Variants in TAF1L observed in about 807,000 individuals in gnomAD.
TAF1L encodes the protein TATA-box binding protein associated factor 1 like.
A neutral mutation model predicts 128.8 loss-of-function variants in TAF1L; 30 were observed. The observed-to-expected ratio is 0.23, with a 90% CI of 0.17 to 0.32. The LOEUF is 0.32. Ranked by LOEUF, TAF1L falls within the 10% of genes least tolerant of loss-of-function variation. The pLI, the probability that TAF1L is intolerant of heterozygous loss-of-function variation, is 1.00. For missense variants in TAF1L, 2,099 were observed against 2,253.7 expected (o/e 0.93, Z 1.39); for synonymous variants, 764 against 790.7 (o/e 0.97, Z 0.57).
In TAF1L at chr9:32,634,649, A is replaced by C. The variant is rs772520651; in HGVS notation, c.931T>G (p.Trp311Gly). Residue 311 changes from tryptophan to glycine, a missense_variant, in exon 1 of 1, where the codon TGG (tryptophan) becomes GGG (glycine). By Grantham distance (184) the Trp-to-Gly change is radical (BLOSUM62 -2). Coordinates refer to ENST00000242310, the MANE Select transcript of TAF1L (RefSeq NM_153809.2). ...VESEVSQKSLWNYDYAPPPPP... is the reference protein window; with the variant it reads ...VESEVSQKSLGNYDYAPPPPP... ...GGTGGTGGAGCATAGTCATAGTTCC[A>C]CAAAGACTTCTGGCTGACTTCTGAT... 1.2e-6 allele frequency: 2 copies of C among 1,614,032 alleles called. No homozygotes were observed. The highest frequency in any genetic ancestry group is 1.7e-6 in the Non-Finnish European group (2 of 1,180,034).
rs1275908150 is a variant in TAF1L, at chr9:32,633,523, G to T, written c.2057C>A (p.Thr686Lys). The T allele has an allele frequency of 1.2e-6, 2 of 1,614,216 alleles. No individual in the cohort carries two copies. Among genetic ancestry groups the T allele is most frequent in the Non-Finnish European group, 1.7e-6 (2 of 1,180,058 alleles). The change falls in exon 1 of 1, where the codon ACA becomes AAA. Residue 686 changes from threonine to lysine, a missense_variant. Coordinates refer to ENST00000242310, the MANE Select transcript of TAF1L (RefSeq NM_153809.2). The stretch of plus-strand genomic sequence containing the variant: ...ATCTTTGCCTGTGAGATCCTGAGGT[G>T]TGCGCATAAAAAACAACTCTCCACC... ...SGGGELFFMR[T>K]PQDLTGKDGD...
chr9:32,629,838 T>C lies in TAF1L; in HGVS notation c.*261A>G. ...CACACCTGGCTAATTTTTGTATTTT[T>C]AGTAGAGATGAAGTTTCGACATGTT... is the stretch of plus-strand genomic sequence containing the variant. On this transcript the variant is annotated 3_prime_UTR_variant, in exon 1 of 1. Coordinates refer to ENST00000242310, the MANE Select transcript of TAF1L (RefSeq NM_153809.2). 1.6e-6 allele frequency: 1 copy of C among 626,092 alleles called. No homozygotes were observed. The allele number at this position is 626,092 out of a possible 1,614,324, so 38.8% of individuals were successfully genotyped here.
In TAF1L at chr9:32,631,219, C is replaced by T. The variant is rs533001681; in HGVS notation, c.4361G>A (p.Arg1454His). The change falls in exon 1 of 1, where the codon CGT becomes CAT. Residue 1454 changes from arginine to histidine, a missense_variant. Arg to His is a conservative substitution (Grantham distance 29). Around this residue, in one of 4 missense-constraint regions of TAF1L, gnomAD observed 1,213 missense variants for 1,391.4 expected, o/e 0.87. Coordinates refer to ENST00000242310, the MANE Select transcript of TAF1L (RefSeq NM_153809.2). This position sits in a 1 kb window ranked among gnomAD's most constrained non-coding sequence, Gnocchi z 4.1. ...MDLQTLRENV[R>H]KCLYPSREEF... Reference sequence around the variant, plus strand: ...TTCCCGAGATGGGTAGAGGCATTTACGCACATTTTCACGGAGTGTTTGTAG... The same window carrying T: ...TTCCCGAGATGGGTAGAGGCATTTATGCACATTTTCACGGAGTGTTTGTAG... The T allele has an allele frequency of 1.7e-5, 27 of 1,614,124 alleles. No individual in the cohort carries two copies. Among genetic ancestry groups the T allele is most frequent in the Middle Eastern group, 1.6e-4 (1 of 6,062 alleles).
Position 32,635,011 on chromosome 9 carries a change from A to G in TAF1L, c.569T>C (p.Ile190Thr). 6.2e-7 allele frequency: 1 copy of G among 1,614,144 alleles called. No individual in the cohort carries two copies. Among genetic ancestry groups the G allele is most frequent in the Non-Finnish European group, 8.5e-7 (1 of 1,180,022 alleles). Reference sequence around the variant, plus strand: ...CTCTGAGGCCAAAAAGGAAGGGGCAATGATGGAGGGCAAGATGATGTCTTC... The same window carrying G: ...CTCTGAGGCCAAAAAGGAAGGGGCAGTGATGGAGGGCAAGATGATGTCTTC... ...SGEDIILPSI[I>T]APSFLASEKV... The change falls in exon 1 of 1, where the codon ATT becomes ACT. Residue 190 changes from isoleucine to threonine, a missense_variant. Physicochemically the swap from Ile to Thr is moderately conservative, Grantham distance 89. Coordinates refer to ENST00000242310, the MANE Select transcript of TAF1L (RefSeq NM_153809.2).
At position 32,635,568 on chromosome 9, in the gene TAF1L, G is replaced by C; in HGVS notation, c.12C>G (p.Gly4=). 1 of 1,613,252 alleles carries C rather than the reference G, an allele frequency of 6.2e-7. No individual in the cohort carries two copies. The stretch of plus-strand genomic sequence containing the variant: ...CTGCTGCCCTCAGCAGCAAATCGCA[G>C]CCGGGTCGCATAAACCGGAAATAAA... MRP[G]CDLLLRAAAT... The change falls in exon 1 of 1, where the codon GGC becomes GGG. Residue 4 remains glycine (G), a synonymous_variant. Transcript: ENST00000242310.
rs1822525434 is a variant in TAF1L at position 32,632,088 on chromosome 9, G to C, written c.3492C>G (p.His1164Gln). ...VAGSAASGNN[H>Q]RDDVTASMTS... ...TCATGGAAGCTGTGACATCATCTCT[G>C]TGATTGTTTCCTGATGCTGCTGAGC... The change falls in exon 1 of 1, where the codon CAC becomes CAG. Residue 1164 changes from histidine (H) to glutamine (Q), a missense_variant. His to Gln is a conservative substitution (Grantham distance 24, BLOSUM62 0). Transcript: ENST00000242310. The surrounding 1 kb of genome is among the most constrained non-coding windows in gnomAD (Gnocchi z 4.4). 6.2e-7 allele frequency: 1 copy of C among 1,614,036 alleles called. No homozygotes were observed. Among genetic ancestry groups the C allele is most frequent in the African/African-American group, 1.3e-5 (1 of 74,902 alleles).
At position 32,630,616 on chromosome 9, in the gene TAF1L, G is replaced by T. The variant is rs975426723; in HGVS notation, c.4964C>A (p.Pro1655Gln). 1.2e-6 allele frequency: 2 copies of T among 1,614,094 alleles called. No individual in the cohort carries two copies. Among genetic ancestry groups the T allele is most frequent in the Non-Finnish European group, 1.7e-6 (2 of 1,180,022 alleles). Residue 1655 changes from proline to glutamine, a missense_variant, in exon 1 of 1, where the codon CCA (proline) becomes CAA (glutamine). Coordinates refer to ENST00000242310, the MANE Select transcript of TAF1L (RefSeq NM_153809.2). ...LEEAELESLD[P>Q]MTPGPYTSQP... ...AGATGTGTAGGGCCCTGGGGTCATT[G>T]GGTCCAGGCTTTCTAATTCTGCTTC...
rs149093566 is a variant in TAF1L at position 32,635,146 on chromosome 9, G to T, written c.434C>A (p.Ala145Asp). ...CTTGCAATCAATGTCTTCACAATCAGCATCATAGTCATCTTCATCATAATC... is the reference window on the plus strand; with the variant it reads ...CTTGCAATCAATGTCTTCACAATCATCATCATAGTCATCTTCATCATAATC... ...HSDYDEDDYD[A>D]DCEDIDCKLM... Residue 145 changes from alanine to aspartate, a missense_variant, in exon 1 of 1, where the codon GCT becomes GAT. Ala to Asp is a moderately radical substitution (Grantham distance 126, BLOSUM62 -2). Coordinates refer to ENST00000242310, the MANE Select transcript of TAF1L (RefSeq NM_153809.2). 3.5e-5 allele frequency: 56 copies of T among 1,614,040 alleles called. No individual in the cohort carries two copies. The African/African-American group carries it at 7.2e-4, about 21-fold the overall frequency.
chr9:32,633,575 T>C lies in TAF1L; in HGVS notation c.2005A>G (p.Arg669Gly). 6.2e-7 allele frequency: 1 copy of C among 1,614,216 alleles called. No individual in the cohort carries two copies. The highest frequency in any genetic ancestry group is 8.5e-7 in the Non-Finnish European group (1 of 1,180,038). ...CCTGAGGCTTGCCTCTCTTGTTCTC[T>C]CATCTTGGCCTTTTTTTTGATGTGC... is the stretch of plus-strand genomic sequence containing the variant. ...LKHIKKKAKM[R>G]EQERQASGGG... Residue 669 changes from arginine to glycine, a missense_variant, in exon 1 of 1, where the codon AGA (arginine) becomes GGA (glycine). Arg to Gly is a moderately radical substitution (Grantham distance 125). Coordinates refer to ENST00000242310, the MANE Select transcript of TAF1L (RefSeq NM_153809.2).
In TAF1L at chr9:32,633,488, T is replaced by G. The variant is rs1822543425; in HGVS notation, c.2092A>C (p.Ile698Leu). The change falls in exon 1 of 1, where the codon ATT (isoleucine) becomes CTT (leucine). Residue 698 changes from isoleucine to leucine, a missense_variant. By Grantham distance (5) the Ile-to-Leu change is conservative (BLOSUM62 2). Coordinates refer to ENST00000242310, the MANE Select transcript of TAF1L (RefSeq NM_153809.2). ...TTTTCCTCACTATATTCTGCAAGAATAAGATCTCCATCTTTGCCTGTGAGA... is the reference window on the plus strand; with the variant it reads ...TTTTCCTCACTATATTCTGCAAGAAGAAGATCTCCATCTTTGCCTGTGAGA... ...QDLTGKDGDL[I>L]LAEYSEENGP... The G allele has an allele frequency of 6.2e-7, 1 of 1,614,136 alleles. No homozygotes were observed. Among genetic ancestry groups the G allele is most frequent in the South Asian group, 1.1e-5 (1 of 91,092 alleles).
At position 32,630,622 on chromosome 9, in the gene TAF1L, A is replaced by G. The variant is rs1587670226; in HGVS notation, c.4958T>C (p.Leu1653Pro). Residue 1653 changes from leucine (L) to proline (P), a missense_variant, in exon 1 of 1, where the codon CTG becomes CCG. Leu to Pro is a moderately conservative substitution (Grantham distance 98, BLOSUM62 -3). This residue lies in a region of TAF1L where 404 missense variants were observed against 406.5 expected (regional missense o/e 0.99). Coordinates refer to ENST00000242310, the MANE Select transcript of TAF1L (RefSeq NM_153809.2). ...GTAGGGCCCTGGGGTCATTGGGTCCAGGCTTTCTAATTCTGCTTCCTCCAA... is the reference window on the plus strand; with the variant it reads ...GTAGGGCCCTGGGGTCATTGGGTCCGGGCTTTCTAATTCTGCTTCCTCCAA... ...AALEEAELES[L>P]DPMTPGPYTS... 3 of 1,614,128 alleles carry G rather than the reference A, an allele frequency of 1.9e-6. No homozygotes were observed. The highest frequency in any genetic ancestry group is 2.2e-5 in the East Asian group (1 of 44,878).
rs767224073 is a variant in TAF1L, at chr9:32,632,441, C to T, written c.3139G>A (p.Val1047Met). The change falls in exon 1 of 1, where the codon GTG (valine) becomes ATG (methionine). Residue 1047 changes from valine (V) to methionine (M), a missense_variant. By Grantham distance (21) the Val-to-Met change is conservative. Around this residue, in one of 4 missense-constraint regions of TAF1L, gnomAD observed 1,213 missense variants for 1,391.4 expected, o/e 0.87. Transcript: ENST00000242310. The surrounding 1 kb of genome is among the most constrained non-coding windows in gnomAD (Gnocchi z 4.4). Reference sequence around the variant, plus strand: ...TGTTCTGTTGACATTGTGCGCACCACATCAATCACTTCCCAGCGGGACAAC... The same window carrying T: ...TGTTCTGTTGACATTGTGCGCACCATATCAATCACTTCCCAGCGGGACAAC... ...KKLSRWEVIDVVRTMSTEQAH... is the reference protein window; with the variant it reads ...KKLSRWEVIDMVRTMSTEQAH... 10 of 1,614,130 alleles carry T rather than the reference C, an allele frequency of 6.2e-6. No individual in the cohort carries two copies. The highest frequency in any genetic ancestry group is 1.1e-5 in the South Asian group (1 of 91,088).
rs1397455013 is a variant in TAF1L at position 32,632,146 on chromosome 9, C to G, written c.3434G>C (p.Arg1145Pro). ...CAGTAGCATTCGCCGTAGTTCCTTC[C>G]GCTCCTGCTCCTCCCATTCACGTGA... ...QLSREWEEQE[R>P]KELRRMLLVA... Residue 1145 changes from arginine (R) to proline (P), a missense_variant, in exon 1 of 1, where the codon CGG becomes CCG. Coordinates refer to ENST00000242310, the MANE Select transcript of TAF1L (RefSeq NM_153809.2). The surrounding 1 kb of genome is among the most constrained non-coding windows in gnomAD (Gnocchi z 4.4). 1.9e-6 allele frequency: 3 copies of G among 1,614,050 alleles called. No individual in the cohort carries two copies. Among genetic ancestry groups the G allele is most frequent in the Non-Finnish European group, 2.5e-6 (3 of 1,180,050 alleles).
chr9:32,630,846 C>T lies in TAF1L; in HGVS notation c.4734G>A (p.Lys1578=), dbSNP rs945260278. The change falls in exon 1 of 1, where the codon AAG becomes AAA. Residue 1578 remains lysine, a synonymous_variant. Transcript: ENST00000242310. ...DLETIRKNIS[K]HKYQSRESFL... ...AACTCTCCCGACTCTGATACTTGTG[C>T]TTGGAGATGTTCTTACGTATGGTCT... The T allele has an allele frequency of 1.2e-6, 2 of 1,614,144 alleles. No homozygotes were observed. The highest frequency in any genetic ancestry group is 1.1e-5 in the South Asian group (1 of 91,068).
rs756616614 is a variant in TAF1L, at chr9:32,631,686, G to A, written c.3894C>T (p.Cys1298=). 1.9e-6 allele frequency: 3 copies of A among 1,614,004 alleles called. No homozygotes were observed. Among genetic ancestry groups the A allele is most frequent in the Admixed American group, 3.3e-5 (2 of 59,994 alleles). The part of the protein sequence containing the change: ...AIGHMRTNKF[C]PLYYQTNVPP... Reference sequence around the variant, plus strand: ...GCACATTTGTTTGATAATAGAGGGGGCAGAATTTGTTAGTCCTCATATGTC... The same window carrying A: ...GCACATTTGTTTGATAATAGAGGGGACAGAATTTGTTAGTCCTCATATGTC... Residue 1298 remains cysteine (C), a synonymous_variant, in exon 1 of 1, where the codon TGC becomes TGT. Coordinates refer to ENST00000242310, the MANE Select transcript of TAF1L (RefSeq NM_153809.2). This position sits in a 1 kb window ranked among gnomAD's most constrained non-coding sequence, Gnocchi z 4.1.
chr9:32,631,825 C>T lies in TAF1L; in HGVS notation c.3755G>A (p.Arg1252Gln), dbSNP rs374131496. ...CTCCTTTTCCTGGTTCCGCTTAAGC[C>T]GCCTCAGTTGCTCTTGAATCCTCCG... is the stretch of plus-strand genomic sequence containing the variant. Reference protein sequence around the residue: ...ERRRIQEQLRRLKRNQEKEKL... With the variant: ...ERRRIQEQLRQLKRNQEKEKL... Residue 1252 changes from arginine to glutamine, a missense_variant, in exon 1 of 1, where the codon CGG (arginine) becomes CAG (glutamine). This residue lies in a region of TAF1L where 1,213 missense variants were observed against 1,391.4 expected (regional missense o/e 0.87). Transcript: ENST00000242310. This position sits in a 1 kb window ranked among gnomAD's most constrained non-coding sequence, Gnocchi z 4.1. 22 of 1,613,984 alleles carry T rather than the reference C, an allele frequency of 1.4e-5. No homozygotes were observed. The East Asian group carries it at 1.6e-4, about 11-fold the overall frequency.
chr9:32,635,537 C>T lies in TAF1L; in HGVS notation c.43G>A (p.Val15Ile), dbSNP rs1215380235. 6.2e-6 allele frequency: 10 copies of T among 1,613,946 alleles called. No homozygotes were observed. The highest frequency in any genetic ancestry group is 8.5e-6 in the Non-Finnish European group (10 of 1,179,994). The change falls in exon 1 of 1, where the codon GTC (valine) becomes ATC (isoleucine). Residue 15 changes from valine to isoleucine, a missense_variant. This residue lies in a region of TAF1L where 473 missense variants were observed against 429.6 expected (regional missense o/e 1.10). Coordinates refer to ENST00000242310, the MANE Select transcript of TAF1L (RefSeq NM_153809.2). ...GAGTCTGACATGATGGCGGCAGTGA[C>T]GGTAGCTGCTGCCCTCAGCAGCAAA... Reference protein sequence around the residue: ...CDLLLRAAATVTAAIMSDSDS... With the variant: ...CDLLLRAAATITAAIMSDSDS...
At position 32,633,685 on chromosome 9, in the gene TAF1L, C is replaced by T. The variant is rs532747728; in HGVS notation, c.1895G>A (p.Arg632Gln). Residue 632 changes from arginine to glutamine, a missense_variant, in exon 1 of 1, where the codon CGG becomes CAG. Around this residue, in one of 4 missense-constraint regions of TAF1L, gnomAD observed 1,213 missense variants for 1,391.4 expected, o/e 0.87. Transcript: ENST00000242310. Reference protein sequence around the residue: ...FPTHMGPIKIRQFHRPPLKKY... With the variant: ...FPTHMGPIKIQQFHRPPLKKY... ...TTTCAGAGGTGGGCGATGGAACTGC[C>T]GGATTTTGATGGGCCCCATGTGGGT... The T allele has an allele frequency of 2.5e-5, 40 of 1,614,090 alleles. No individual in the cohort carries two copies. The highest frequency in any genetic ancestry group is 5.3e-5 in the African/African-American group (4 of 74,994).
Position 32,629,856 on chromosome 9 carries a change from G to A in TAF1L, c.*243C>T, listed in dbSNP as rs1173198238. 18 of 692,282 alleles carry A rather than the reference G, an allele frequency of 2.6e-5. No homozygotes were observed. The highest frequency in any genetic ancestry group is 1.1e-4 in the African/African-American group (6 of 55,168). The allele number at this position is 692,282 out of a possible 1,614,324, so 42.9% of individuals were successfully genotyped here. A position where few individuals can be genotyped will look rare whatever the true frequency, so the allele number is the denominator to read the frequency against. On this transcript the variant is annotated 3_prime_UTR_variant, in exon 1 of 1. Coordinates refer to ENST00000242310, the MANE Select transcript of TAF1L (RefSeq NM_153809.2). ...GTATTTTTAGTAGAGATGAAGTTTC[G>A]ACATGTTGGCCAAGCTGGTCTCGAA...
Sources: allele counts gnomAD v4.1 joint callset, GRCh38; gene constraint gnomAD v4.1.1; regional missense constraint gnomAD v4.1.1; non-coding constraint Gnocchi (gnomAD v3.1); transcripts MANE v1.5; gene names NCBI Gene and HGNC (gene_info 2026-07-23, HGNC 2026-07-21).